Variants in AGPS observed in about 807,000 individuals in gnomAD.
AGPS encodes the protein alkylglycerone phosphate synthase.
A neutral mutation model predicts 90.7 loss-of-function variants in AGPS; 26 were observed. The ratio of observed to expected loss-of-function variants is 0.29; its 90% CI spans 0.21 to 0.40. The LOEUF is 0.40. AGPS is among the 10% of genes least tolerant of loss of function. The pLI is 1.00. For missense variants in AGPS, 540 were observed against 816.1 expected (o/e 0.66, Z 4.12); for synonymous variants, 294 against 285.3 (o/e 1.03, Z -0.31).
chr2:177,396,594 G>A (rs1183945196), intron 1 of AGPS, among the ~76,000 whole-genome samples: 2 of 152,154 alleles, frequency 1.3e-5, no homozygotes, highest in Non-Finnish European at 1.5e-5. Context: ...AGAACGGTAA[G>A]GATGGACATA....
intron 1 of AGPS, among the ~76,000 whole-genome samples, chr2:177,407,792 CTTTT>C (rs66559811): frequency 7.2e-6 from 1 of 139,298 alleles, no homozygotes; most frequent in Non-Finnish European, 1.5e-5. Context: ...AACAAATTTC[CTTTT>C]TTTTTTTTTT....
At chr2:177,442,207 T>C (rs1439879881) in intron 6 of AGPS, among the ~76,000 whole-genome samples, 200 bp from the exon 7 acceptor site, 3 of 152,232 alleles carry the variant, frequency 2.0e-5, no homozygotes, top group African/African-American at 7.2e-5. Flanking sequence ...GTAATATTGC[T>C]TCATTTTGGC....
chr2:177,439,232 C>T (rs181879710), intron 5 of AGPS, among the ~76,000 whole-genome samples: 2 of 152,256 alleles, frequency 1.3e-5, no homozygotes, highest in Admixed American at 1.3e-4. Flanking sequence ...AATCCGTGCT[C>T]TCAAGTGCCA....
intron 19 of AGPS, among the ~76,000 whole-genome samples, chr2:177,537,816 C>T (rs2079197202): frequency 6.6e-6 from 1 of 152,082 alleles, no homozygotes. Flanking sequence ...GCTATAATCT[C>T]TGTCCAAGCT....
rs185645772 is a variant in AGPS, at chr2:177,513,977, A to G, written c.1697+69A>G. 8.4e-6 allele frequency: 10 copies of G among 1,192,076 alleles called. No individual in the cohort carries two copies. In the Admixed American group the frequency reaches 1.4e-4, roughly 17 times the overall value. 73.8% of individuals were successfully genotyped at this position (1,192,076 alleles called of 1,614,324 possible). A position where few individuals can be genotyped will look rare whatever the true frequency, so the allele number is the denominator to read the frequency against. ...ATGTTTTTTTTAATCAAGGGGGGGA[A>G]TATAATTTTCCAGCTGAGAAAAAGC... On this transcript the variant is annotated intron_variant, in intron 17 of 19. Coordinates refer to ENST00000264167, the MANE Select transcript of AGPS (RefSeq NM_003659.4).
intron 16 of AGPS, among the ~76,000 whole-genome samples, chr2:177,511,919 A>G (rs1256416343): frequency 6.6e-6 from 1 of 152,178 alleles, no homozygotes; most frequent in Non-Finnish European, 1.5e-5. Flanking sequence ...TTTCCTGTTT[A>G]CTATTGTATT....
intron 17 of AGPS, among the ~76,000 whole-genome samples, chr2:177,515,724 T>A (rs1689006029): frequency 6.6e-6 from 1 of 152,176 alleles, no homozygotes; most frequent in African/African-American, 2.4e-5. Context: ...CCATATGTCA[T>A]TTTTATTAAA....
At chr2:177,510,961 C>G (rs879844503) in intron 16 of AGPS, among the ~76,000 whole-genome samples, 3 of 152,246 alleles carry the variant, frequency 2.0e-5, no homozygotes, top group Admixed American at 2.0e-4. Context: ...GTGTTCCATC[C>G]CATCCCTACC....
chr2:177,450,520 A>G (rs893748800), intron 8 of AGPS, among the ~76,000 whole-genome samples: 4 of 152,240 alleles, frequency 2.6e-5, no homozygotes, highest in African/African-American at 4.8e-5. Flanking sequence ...TGGATATCCA[A>G]TTGTTCAGCA....
intron 8 of AGPS, among the ~76,000 whole-genome samples, chr2:177,459,705 C>G (rs1356477703): frequency 6.6e-6 from 1 of 152,056 alleles, no homozygotes; most frequent in Middle Eastern, 3.4e-3. Flanking sequence ...TAGGAACGCT[C>G]TTATGCTGTT....
chr2:177,496,466 G>A (rs1417790592), intron 12 of AGPS, among the ~76,000 whole-genome samples: 2 of 152,074 alleles, frequency 1.3e-5, no homozygotes, highest in Non-Finnish European at 2.9e-5. Flanking sequence ...ATACTAGGAA[G>A]CATCTCTGAT....
rs531011180 is a variant in AGPS, at chr2:177,542,297, G to C, written c.*4102G>C. 6.6e-6 allele frequency: 1 copy of C among 152,198 alleles called. No individual in the cohort carries two copies. Among genetic ancestry groups the C allele is most frequent in the African/African-American group, 2.4e-5 (1 of 41,532 alleles). The allele number at this position is 152,198 out of a possible 1,614,324, so 9.4% of individuals were successfully genotyped here. A position where few individuals can be genotyped will look rare whatever the true frequency, so the allele number is the denominator to read the frequency against. ...TCCCTAATCATTTTTTAAAATCAAT[G>C]CTGTATTCCCAGGAGGCTTTGAGAC... is the stretch of plus-strand genomic sequence containing the variant. On this transcript the variant is annotated 3_prime_UTR_variant, in exon 20 of 20. Transcript: ENST00000264167.
chr2:177,535,966 A>G (rs1175212401), intron 19 of AGPS, among the ~76,000 whole-genome samples: 1 of 152,090 alleles, frequency 6.6e-6, no homozygotes, highest in African/African-American at 2.4e-5. Flanking sequence ...TTGTAAAAGT[A>G]TAAACCATAG....
intron 1 of AGPS, among the ~76,000 whole-genome samples, chr2:177,406,700 A>C (rs531646779): frequency 6.6e-6 from 1 of 152,346 alleles, no homozygotes; most frequent in East Asian, 1.9e-4. Context: ...GAAGCAATGA[A>C]CATGGAAAAT....
intron 1 of AGPS, among the ~76,000 whole-genome samples, chr2:177,408,808 G>C (rs1685540448): frequency 6.6e-6 from 1 of 152,164 alleles, no homozygotes; most frequent in Admixed American, 6.6e-5. Flanking sequence ...GTATTCCTTT[G>C]TGGCTATTCA....
intron 8 of AGPS, among the ~76,000 whole-genome samples, chr2:177,453,345 C>A (rs113599316): frequency 6.6e-6 from 1 of 151,438 alleles, no homozygotes; most frequent in African/African-American, 2.4e-5. Context: ...GATATCGGCT[C>A]ACCACAACCT....
At chr2:177,518,177 T>TA (rs1443043767) in intron 17 of AGPS, among the ~76,000 whole-genome samples, 1 of 152,210 alleles carries the variant, frequency 6.6e-6, no homozygotes, top group African/African-American at 2.4e-5. Context: ...CTCACGCCTG[T>TA]AATACCAGCA....
intron 19 of AGPS, among the ~76,000 whole-genome samples, chr2:177,530,602 C>T (rs1410510898): frequency 6.6e-6 from 1 of 152,060 alleles, no homozygotes; most frequent in Non-Finnish European, 1.5e-5. Flanking sequence ...AGTAAAAGGG[C>T]CAGGGGTTGG....
intron 17 of AGPS, among the ~76,000 whole-genome samples, chr2:177,515,917 T>C (rs10497502): frequency 0.15 from 21,110 of 145,556 alleles, 1,669 homozygotes; most frequent in East Asian, 0.35. Flanking sequence ...TAGAATTTGA[T>C]TTCAGTTTAG....
Sources: allele counts gnomAD v4.1 joint callset (sites outside exome capture counted in the v4.1 genomes callset), GRCh38; gene constraint gnomAD v4.1.1; transcripts MANE v1.5; gene names NCBI Gene and HGNC (gene_info 2026-07-23, HGNC 2026-07-21).